The following PTPRD variants were observed in gnomAD, a reference collection of about 807,000 sequenced individuals.
PTPRD encodes the protein protein tyrosine phosphatase receptor type D.
In PTPRD, 34 loss-of-function variants were observed where a neutral mutation model predicts 214.5. The observed-to-expected ratio is 0.16, with a 90% CI of 0.12 to 0.21. PTPRD has a LOEUF of 0.21. Ranked by LOEUF, PTPRD falls within the 10% of genes least tolerant of loss-of-function variation. The pLI, the probability that PTPRD is intolerant of heterozygous loss-of-function variation, is 1.00. For missense variants in PTPRD, 2,545 were observed against 2,398.7 expected, an observed-to-expected ratio of 1.06 and a Z score of -1.27; for synonymous variants, 1,128 against 845.7, an observed-to-expected ratio of 1.33 and a Z score of -5.79.
chr9:10,125,557 C>T (rs1397803053), intron 3 of PTPRD, among the ~76,000 whole-genome samples: 5 of 150,708 alleles, frequency 3.3e-5, no homozygotes, highest in South Asian at 4.2e-4. Flanking sequence ...CAGGTTCAAG[C>T]GATTCTCCTG....
rs539130845 is a variant in PTPRD, at chr9:10,117,549, T to C, written c.-544-83759A>G. ...TTCAGTTTTTGGTTAGTTGCAGCAG[T>C]ATTAACTTCAATCTACCTCCTTCTT... On this transcript the variant is annotated intron_variant, in intron 3 of 45. Coordinates refer to ENST00000381196, the MANE Select transcript of PTPRD (RefSeq NM_002839.4). 2.0e-5 allele frequency among the ~76,000 whole-genome samples: 3 copies of C among 151,878 alleles called. No homozygotes were observed. In the South Asian group the frequency reaches 6.2e-4, roughly 32 times the overall value.
intron 8 of PTPRD, among the ~76,000 whole-genome samples, chr9:9,456,463 C>T (rs533790886): frequency 2.0e-5 from 3 of 151,898 alleles, no homozygotes; most frequent in South Asian, 4.2e-4. Flanking sequence ...TTATTTTCTC[C>T]GCTTTTATTC....
chr9:8,750,564 G>A (rs1400288850), intron 11 of PTPRD, among the ~76,000 whole-genome samples: 1 of 152,174 alleles, frequency 6.6e-6, no homozygotes, highest in Non-Finnish European at 1.5e-5. Flanking sequence ...GGAGACTTTA[G>A]AATAGGGTGA....
intron 5 of PTPRD, among the ~76,000 whole-genome samples, chr9:9,815,949 A>G (rs1400814614): frequency 1.3e-5 from 2 of 152,168 alleles, no homozygotes; most frequent in Admixed American, 1.3e-4. Context: ...TGTGAGGTGA[A>G]CTTTTTTAAG....
intron 8 of PTPRD, among the ~76,000 whole-genome samples, chr9:9,519,262 C>A (rs913656821): frequency 2.0e-5 from 3 of 150,136 alleles, no homozygotes; most frequent in African/African-American, 7.3e-5. Context: ...GGCTGAAAAT[C>A]AATGGCCTCA....
intron 5 of PTPRD, among the ~76,000 whole-genome samples, chr9:9,773,795 G>C (rs922356532): frequency 6.6e-6 from 1 of 152,146 alleles, no homozygotes; most frequent in Non-Finnish European, 1.5e-5. Flanking sequence ...TTTATAAACT[G>C]TGAAGACAGG....
At chr9:8,656,572 T>G (rs2096913781) in intron 12 of PTPRD, among the ~76,000 whole-genome samples, 1 of 152,196 alleles carries the variant, frequency 6.6e-6, no homozygotes, top group Non-Finnish European at 1.5e-5. Context: ...ATACAATTTG[T>G]AATAGTGAGG....
At chr9:8,964,957 T>G (rs2099183931) in intron 11 of PTPRD, among the ~76,000 whole-genome samples, 1 of 152,134 alleles carries the variant, frequency 6.6e-6, no homozygotes, top group African/African-American at 2.4e-5. Flanking sequence ...GAGACTTGCT[T>G]TATGACCAAG....
chr9:8,935,743 A>G (rs1428436668), intron 11 of PTPRD, among the ~76,000 whole-genome samples: 1 of 152,192 alleles, frequency 6.6e-6, no homozygotes, highest in Non-Finnish European at 1.5e-5. Flanking sequence ...AGAAAAAGAT[A>G]TTTTTCAAAA....
intron 9 of PTPRD, among the ~76,000 whole-genome samples, chr9:9,286,479 G>A (rs530234194): frequency 4.0e-5 from 6 of 151,576 alleles, no homozygotes; most frequent in Admixed American, 6.6e-5. Context: ...TGTAATTATC[G>A]CAGAACTCAT....
chr9:9,710,749 G>C (rs755820266), intron 7 of PTPRD, among the ~76,000 whole-genome samples: 37 of 152,084 alleles, frequency 2.4e-4, no homozygotes, highest in Non-Finnish European at 4.7e-4. Context: ...CCAGAAAGTT[G>C]TCTATCCACA....
At chr9:8,319,396 ATTG>A (rs1300869657) in intron 45 of PTPRD, among the ~76,000 whole-genome samples, 6 of 152,084 alleles carry the variant, frequency 3.9e-5, no homozygotes, top group Non-Finnish European at 8.8e-5. Context: ...TTGAATGGCC[ATTG>A]TTAAGACATG....
chr9:8,637,422 C>G (rs1157404915), intron 12 of PTPRD, among the ~76,000 whole-genome samples: 1 of 152,206 alleles, frequency 6.6e-6, no homozygotes, highest in Non-Finnish European at 1.5e-5. Context: ...TTACTTGAAA[C>G]TTAGCTCCAC....
intron 11 of PTPRD, among the ~76,000 whole-genome samples, chr9:8,926,423 A>C (rs1460113156): frequency 6.6e-6 from 1 of 152,036 alleles, no homozygotes; most frequent in African/African-American, 2.4e-5. Flanking sequence ...CATTTTAGTA[A>C]ATTTTATCTC....
intron 8 of PTPRD, among the ~76,000 whole-genome samples, chr9:9,449,138 G>C (rs1033376543): frequency 5.9e-5 from 9 of 151,938 alleles, no homozygotes; most frequent in African/African-American, 2.2e-4. Flanking sequence ...CAGAATTCCA[G>C]AACAGTGAAT....
chr9:9,971,935 T>G (rs1283109319), intron 4 of PTPRD, among the ~76,000 whole-genome samples: 1 of 152,166 alleles, frequency 6.6e-6, no homozygotes, highest in Non-Finnish European at 1.5e-5. Context: ...GGTAACATAT[T>G]AGAACTTCAG....
intron 7 of PTPRD, among the ~76,000 whole-genome samples, chr9:9,598,681 T>C (rs1013418521): frequency 1.3e-5 from 2 of 152,074 alleles, no homozygotes; most frequent in Non-Finnish European, 2.9e-5. Flanking sequence ...TATCCTATTT[T>C]TTCACAGTAT....
chr9:8,375,881 T>A (rs149807743), intron 39 of PTPRD, 55 bp downstream of exon 39: 2 of 1,570,216 alleles, frequency 1.3e-6, no homozygotes, highest in Non-Finnish European at 1.7e-6. Flanking sequence ...AAACATCCAA[T>A]GAGAGTCAAT....
chr9:8,517,596 T>C (rs899885634), intron 21 of PTPRD, among the ~76,000 whole-genome samples: 6 of 151,608 alleles, frequency 4.0e-5, no homozygotes, highest in African/African-American at 1.5e-4. Flanking sequence ...CTATCTCACA[T>C]AGAGAAGTCT....
Sources: gnomAD v4.1 joint callset for allele counts (sites outside exome capture counted in the v4.1 genomes callset) on GRCh38, gnomAD v4.1.1 for gene constraint, MANE v1.5 for transcripts, NCBI Gene and HGNC (gene_info 2026-07-23, HGNC 2026-07-21) for gene names.